The following UBAC2 variants were observed in gnomAD, a reference collection of about 807,000 sequenced individuals.
UBAC2 encodes the protein ubiquitin-associated domain-containing protein 2.
Under a neutral mutation model 44.0 loss-of-function variants are expected in UBAC2, and 26 were observed. The observed-to-expected ratio is 0.59, with a 90% CI of 0.43 to 0.82. The LOEUF is 0.82. UBAC2 is among the 40% of genes least tolerant of loss of function. The probability of loss-of-function intolerance (pLI) is 0.00; values close to 1 mark genes in which losing one functional copy is unlikely to be tolerated. For missense variants in UBAC2, 329 were observed against 419.4 expected (o/e 0.78, Z 1.88); for synonymous variants, 155 against 154.3 (o/e 1.00, Z -0.04).
Position 99,233,136 on chromosome 13 carries a change from G to A in UBAC2, c.32-5291G>A, listed in dbSNP as rs193021994. On this transcript the variant is annotated intron_variant, in intron 1 of 8. Transcript: ENST00000403766. The stretch of plus-strand genomic sequence containing the variant: ...GTTTCTTTTTTTTTTTTTCTGAGAC[G>A]AAGTCTTACTCTGTTGCCCCAGCTG... 7.4e-3 allele frequency among the ~76,000 whole-genome samples: 1,104 copies of A among 149,238 alleles called. 10 individuals are homozygous for A. Among genetic ancestry groups the A allele is most frequent in the South Asian group, 0.055 (258 of 4,704 alleles).
chr13:99,329,243 T>G (rs530882224), intron 6 of UBAC2, among the ~76,000 whole-genome samples: 1 of 152,316 alleles, frequency 6.6e-6, no homozygotes, highest in South Asian at 2.1e-4. Context: ...CCACCTTGTT[T>G]TTCTTTTTTA....
intron 4 of UBAC2, among the ~76,000 whole-genome samples, chr13:99,265,768 G>C (rs2043735893): frequency 6.6e-6 from 1 of 152,144 alleles, no homozygotes; most frequent in African/African-American, 2.4e-5. Context: ...CTCAAAAAAT[G>C]AATGGCTAAT....
intron 4 of UBAC2, among the ~76,000 whole-genome samples, chr13:99,277,261 C>T (rs750007704): frequency 6.6e-6 from 1 of 152,202 alleles, no homozygotes; most frequent in Non-Finnish European, 1.5e-5. Flanking sequence ...TGCAGTGGCT[C>T]ATGCCTGTAA....
At chr13:99,309,119 CT>C (rs796877414) in intron 4 of UBAC2, among the ~76,000 whole-genome samples, 159 of 145,626 alleles carry the variant, frequency 1.1e-3, no homozygotes, top group Admixed American at 2.4e-3. Flanking sequence ...TCCCAACCTT[CT>C]TTTTTTTTTT....
chr13:99,323,644 C>T (rs7139916), intron 6 of UBAC2, among the ~76,000 whole-genome samples: 38,133 of 152,120 alleles, frequency 0.25, 5,973 homozygotes, highest in Non-Finnish European at 0.34. Flanking sequence ...CTCACATTCA[C>T]GTTGACTCAT....
chr13:99,247,812 CA>C (rs1366075088), intron 4 of UBAC2, among the ~76,000 whole-genome samples: 1 of 152,036 alleles, frequency 6.6e-6, no homozygotes, highest in Admixed American at 6.5e-5. Flanking sequence ...TCTTTCCCAT[CA>C]GTACCAAATT....
At chr13:99,259,674 T>C (rs1439281181) in intron 4 of UBAC2, among the ~76,000 whole-genome samples, 2 of 152,230 alleles carry the variant, frequency 1.3e-5, no homozygotes, top group Non-Finnish European at 2.9e-5. Flanking sequence ...TGATGTTATA[T>C]TTCATTCATC....
chr13:99,329,746 T>C (rs2044688508), intron 6 of UBAC2, among the ~76,000 whole-genome samples: 1 of 152,220 alleles, frequency 6.6e-6, no homozygotes, highest in African/African-American at 2.4e-5. Context: ...TATCCTCCAG[T>C]GCCAGTCAGG....
intron 4 of UBAC2, among the ~76,000 whole-genome samples, chr13:99,262,157 C>T (rs2043672274): frequency 1.3e-5 from 2 of 152,180 alleles, no homozygotes; most frequent in Non-Finnish European, 2.9e-5. Context: ...TTTACTGTCA[C>T]AGTGTCACAG....
intron 4 of UBAC2, among the ~76,000 whole-genome samples, chr13:99,276,293 C>T (rs964726695): frequency 6.6e-6 from 1 of 152,162 alleles, no homozygotes; most frequent in Non-Finnish European, 1.5e-5. Flanking sequence ...AAGACTGTCT[C>T]CACTTCAGAT....
intron 4 of UBAC2, among the ~76,000 whole-genome samples, chr13:99,303,166 A>G (rs1313011108): frequency 6.6e-6 from 1 of 152,258 alleles, no homozygotes; most frequent in Non-Finnish European, 1.5e-5. Flanking sequence ...AAGGCCATTT[A>G]TAGGACCAAG....
chr13:99,309,352 G>T (rs773059297), intron 4 of UBAC2, among the ~76,000 whole-genome samples: 13 of 152,046 alleles, frequency 8.6e-5, no homozygotes, highest in Non-Finnish European at 1.6e-4. Flanking sequence ...CTCATGATCT[G>T]CCTGCATTGG....
intron 4 of UBAC2, among the ~76,000 whole-genome samples, chr13:99,272,507 G>A (rs1673299191): frequency 6.6e-6 from 1 of 152,206 alleles, no homozygotes; most frequent in African/African-American, 2.4e-5. Context: ...TGCTGTCATA[G>A]AGTGGGTGGC....
intron 8 of UBAC2, among the ~76,000 whole-genome samples, chr13:99,383,891 C>T (rs1261099134): frequency 6.6e-6 from 1 of 152,234 alleles, no homozygotes; most frequent in African/African-American, 2.4e-5. Context: ...GGTTCCCTCC[C>T]CCACCTGCCT....
intron 7 of UBAC2, among the ~76,000 whole-genome samples, chr13:99,346,831 A>T (rs2044991206): frequency 1.3e-5 from 2 of 152,180 alleles, no homozygotes; most frequent in Admixed American, 6.5e-5. Context: ...GTGTCTCCGG[A>T]TGGAGCAGAC....
chr13:99,283,664 T>A (rs924106540), intron 4 of UBAC2, among the ~76,000 whole-genome samples: 2 of 150,076 alleles, frequency 1.3e-5, no homozygotes, highest in Admixed American at 1.3e-4. Flanking sequence ...TGGAAACTCA[T>A]GCCTGTCTGA....
chr13:99,208,610 A>T (rs1488902992), intron 1 of UBAC2, among the ~76,000 whole-genome samples: 1 of 152,080 alleles, frequency 6.6e-6, no homozygotes, highest in Non-Finnish European at 1.5e-5. Flanking sequence ...TTCCCAGTTA[A>T]GACTTGTAGT....
chr13:99,306,148 G>A (rs373392982), intron 4 of UBAC2, among the ~76,000 whole-genome samples: 1 of 152,098 alleles, frequency 6.6e-6, no homozygotes, highest in East Asian at 1.9e-4. Flanking sequence ...CGCCTGCCTC[G>A]GCCTCCCAAA....
At chr13:99,309,479 C>T (rs999780710) in intron 4 of UBAC2, among the ~76,000 whole-genome samples, 4 of 152,100 alleles carry the variant, frequency 2.6e-5, no homozygotes, top group Middle Eastern at 3.2e-3. Context: ...TGTAAGAGGC[C>T]GCTGAAGCTG....
Sources: allele counts gnomAD v4.1 joint callset (sites outside exome capture counted in the v4.1 genomes callset), GRCh38; gene constraint gnomAD v4.1.1; transcripts MANE v1.5; gene names NCBI Gene and HGNC (gene_info 2026-07-23, HGNC 2026-07-21).